GRM8: variants seen among roughly 807,000 people sequenced by gnomAD.
The protein encoded by GRM8 is metabotropic glutamate receptor 8.
A neutral mutation model predicts 87.2 loss-of-function variants in GRM8; 47 were observed. That is an observed-to-expected ratio of 0.54 (90% CI 0.43 to 0.69). The LOEUF (loss-of-function observed/expected upper bound fraction) is 0.69, where lower values mean the gene tolerates loss of function less well. GRM8 is among the 30% of genes least tolerant of loss of function. The pLI is 0.00. For synonymous variants in GRM8, 396 were observed against 404.5 expected (o/e 0.98, Z 0.25); for missense variants, 1,019 against 1,139.2 (o/e 0.89, Z 1.52).
intron 8 of GRM8, among the ~76,000 whole-genome samples, chr7:126,539,997 A>C (rs1183672092): frequency 6.6e-6 from 1 of 152,114 alleles, no homozygotes. Context: ...CACCACCAAG[A>C]TTGTTAGAAG....
At chr7:127,124,590 G>T (rs1279396094) in intron 2 of GRM8, among the ~76,000 whole-genome samples, 1 of 152,104 alleles carries the variant, frequency 6.6e-6, no homozygotes, top group Non-Finnish European at 1.5e-5. Flanking sequence ...ATCACTGTCA[G>T]TATAACTACA....
chr7:126,796,305 TCAAA>T (rs1821943435), intron 6 of GRM8, among the ~76,000 whole-genome samples: 2 of 151,924 alleles, frequency 1.3e-5, no homozygotes, highest in Non-Finnish European at 2.9e-5. Context: ...TCATATCATA[TCAAA>T]CACTTAGCCA....
Position 127,106,700 on chromosome 7 carries a change from T to C in GRM8, c.523A>G (p.Ser175Gly). The change falls in exon 3 of 11, where the codon AGC (serine) becomes GGC (glycine). Residue 175 changes from serine (S) to glycine (G), a missense_variant. Ser to Gly is a moderately conservative substitution (Grantham distance 56). Transcript: ENST00000339582. ...ILRLFKIPQI[S>G]YASTAPELSD... ...AGCTCTGGGGCTGTGGATGCATAGC[T>C]GATTTGAGGTATCTGCAAAACAAAT... is the stretch of plus-strand genomic sequence containing the variant. 6.2e-7 allele frequency: 1 copy of C among 1,610,176 alleles called. No individual in the cohort carries two copies. Among genetic ancestry groups the C allele is most frequent in the Non-Finnish European group, 8.5e-7 (1 of 1,176,486 alleles).
At chr7:127,039,340 C>G (rs983907436) in intron 3 of GRM8, among the ~76,000 whole-genome samples, 2 of 151,962 alleles carry the variant, frequency 1.3e-5, no homozygotes, top group South Asian at 2.1e-4. Context: ...GAAGACCAAC[C>G]GAAGACACAG....
intron 7 of GRM8, among the ~76,000 whole-genome samples, chr7:126,615,208 G>A (rs1013562769): frequency 6.6e-6 from 1 of 152,122 alleles, no homozygotes; most frequent in Non-Finnish European, 1.5e-5. Context: ...GAAGAGAGTG[G>A]GGGCCAATAT....
intron 8 of GRM8, among the ~76,000 whole-genome samples, chr7:126,554,641 C>T (rs1792944692): frequency 6.6e-6 from 1 of 151,734 alleles, no homozygotes; most frequent in East Asian, 1.9e-4. Flanking sequence ...GAACAAAAGG[C>T]AAAGCACATG....
intron 6 of GRM8, among the ~76,000 whole-genome samples, chr7:126,836,111 G>A (rs1246395351): frequency 6.6e-6 from 1 of 152,006 alleles, no homozygotes; most frequent in Non-Finnish European, 1.5e-5. Flanking sequence ...AATATAAGAT[G>A]AATTTCACAT....
chr7:126,830,697 T>C (rs947634632), intron 6 of GRM8, among the ~76,000 whole-genome samples: 1 of 152,246 alleles, frequency 6.6e-6, no homozygotes, highest in South Asian at 2.1e-4. Flanking sequence ...CCTTCTTCTC[T>C]CAACTCGTCA....
At chr7:127,175,650 T>A (rs1794061275) in intron 2 of GRM8, among the ~76,000 whole-genome samples, 1 of 152,164 alleles carries the variant, frequency 6.6e-6, no homozygotes, top group Admixed American at 6.5e-5. Flanking sequence ...AGACTTCTCA[T>A]CAGTACCATG....
intron 3 of GRM8, among the ~76,000 whole-genome samples, chr7:127,060,344 A>C (rs963882408): frequency 1.3e-5 from 2 of 152,128 alleles, no homozygotes; most frequent in Admixed American, 6.6e-5. Flanking sequence ...ATTAACATAT[A>C]TATTTTATAA....
chr7:126,691,436 G>A (rs375175463), intron 7 of GRM8, among the ~76,000 whole-genome samples: 4 of 152,260 alleles, frequency 2.6e-5, no homozygotes, highest in Admixed American at 6.5e-5. Flanking sequence ...GCCTGAGTCC[G>A]CAGCCGCAGC....
chr7:126,537,699 C>T (rs1389070250), intron 8 of GRM8, among the ~76,000 whole-genome samples: 1 of 152,064 alleles, frequency 6.6e-6, no homozygotes, highest in Non-Finnish European at 1.5e-5. Context: ...ATGCTGTGAA[C>T]CCGGGAGGCG....
intron 2 of GRM8, among the ~76,000 whole-genome samples, chr7:127,224,731 A>C (rs1563591959): frequency 6.6e-6 from 1 of 152,252 alleles, no homozygotes; most frequent in Admixed American, 6.5e-5. Context: ...GGTATGCAAA[A>C]GAAATAAGAC....
chr7:126,566,911 G>A (rs916597086), intron 8 of GRM8, among the ~76,000 whole-genome samples: 12 of 152,226 alleles, frequency 7.9e-5, no homozygotes, highest in African/African-American at 2.9e-4. Flanking sequence ...TTAGCTAAAG[G>A]AAATAAGCCA....
intron 6 of GRM8, among the ~76,000 whole-genome samples, chr7:126,826,203 T>C (rs1413162278): frequency 3.9e-5 from 6 of 152,010 alleles, no homozygotes; most frequent in Non-Finnish European, 5.9e-5. Flanking sequence ...GTCTTTATAG[T>C]AGCATGATTT....
At chr7:126,674,110 C>G (rs146761327) in intron 7 of GRM8, among the ~76,000 whole-genome samples, 3 of 152,200 alleles carry the variant, frequency 2.0e-5, no homozygotes, top group African/African-American at 7.2e-5. Context: ...AACCTGCTGG[C>G]CAGTTCCCAT....
chr7:127,182,809 C>T lies in GRM8; in HGVS notation c.510+59886G>A, dbSNP rs571592295. On this transcript the variant is annotated intron_variant, in intron 2 of 10. Coordinates refer to ENST00000339582, the MANE Select transcript of GRM8 (RefSeq NM_000845.3). ...AGTAACTCAAGAATGGAAAACCAAACACCATATGTTCTAACTAATATGTCA... is the reference window on the plus strand; with the variant it reads ...AGTAACTCAAGAATGGAAAACCAAATACCATATGTTCTAACTAATATGTCA... Among the ~76,000 whole-genome samples, 9 of 151,786 alleles carry T rather than the reference C, an allele frequency of 5.9e-5. No individual in the cohort carries two copies. In the South Asian group the frequency reaches 1.7e-3, roughly 28 times the overall value.
At chr7:126,607,236 GA>G (rs1247136072) in intron 8 of GRM8, among the ~76,000 whole-genome samples, 3 of 152,186 alleles carry the variant, frequency 2.0e-5, no homozygotes, top group Non-Finnish European at 4.4e-5. Flanking sequence ...GAAGCACCTA[GA>G]AGTAGTAAAG....
At chr7:126,536,640 C>A (rs948393629) in intron 8 of GRM8, among the ~76,000 whole-genome samples, 2 of 151,982 alleles carry the variant, frequency 1.3e-5, no homozygotes, top group Non-Finnish European at 2.9e-5. Context: ...ACAGTGATTT[C>A]TTTCAAAAAT....
Sources: gnomAD v4.1 joint callset for allele counts (sites outside exome capture counted in the v4.1 genomes callset) on GRCh38, gnomAD v4.1.1 for gene constraint, MANE v1.5 for transcripts, NCBI Gene and HGNC (gene_info 2026-07-23, HGNC 2026-07-21) for gene names.